SLC35A5: variants seen among roughly 807,000 people sequenced by gnomAD.
The protein encoded by SLC35A5 is solute carrier family 35 member A5.
A neutral mutation model predicts 36.3 loss-of-function variants in SLC35A5; 28 were observed. The observed-to-expected ratio is 0.77, with a 90% CI of 0.57 to 1.06. The LOEUF is 1.06. Among genes scored for constraint, SLC35A5 ranks in the 50% least tolerant of loss-of-function variants. SLC35A5 has a pLI of 0.00. For synonymous variants in SLC35A5, 180 were observed against 173.7 expected, an observed-to-expected ratio of 1.04 and a Z score of -0.29; for missense variants, 521 against 499.3, an observed-to-expected ratio of 1.04 and a Z score of -0.41.
Position 112,571,456 on chromosome 3 carries a change from T to C in SLC35A5, c.360+786T>C, listed in dbSNP as rs141160275. Among the ~76,000 whole-genome samples the C allele has an allele frequency of 1.2e-3, 186 of 152,376 alleles. 1 individual carries two copies. Among genetic ancestry groups the C allele is most frequent in the African/African-American group, 4.4e-3 (183 of 41,594 alleles). ...ATTTGATTATAAATAGGATTTCTAT[T>C]GCTACCAGTCTTCTCTGTGAAGTTT... On this transcript the variant is annotated intron_variant, in intron 4 of 6. Transcript: ENST00000492406.
At chr3:112,563,336 T>C (rs1161082878) in intron 1 of SLC35A5, 49 bp from the exon 2 acceptor site, 1 of 1,394,748 alleles carries the variant, frequency 7.2e-7, no homozygotes, top group African/African-American at 1.4e-5. Flanking sequence ...GGTATTTGCG[T>C]TTAGGGTCTG....
chr3:112,578,079 A>T (rs893649691), intron 5 of SLC35A5, among the ~76,000 whole-genome samples: 2 of 152,216 alleles, frequency 1.3e-5, no homozygotes, highest in African/African-American at 2.4e-5. Context: ...GAAAATATCT[A>T]AACAATTTAT....
intron 5 of SLC35A5, among the ~76,000 whole-genome samples, chr3:112,578,168 ACT>A (rs1934750568): frequency 6.6e-6 from 1 of 152,214 alleles, no homozygotes; most frequent in Non-Finnish European, 1.5e-5. Context: ...TGAGTATGTT[ACT>A]GATTGAAGTT....
At chr3:112,575,053 T>C (rs1334130972) in intron 5 of SLC35A5, among the ~76,000 whole-genome samples, 1 of 152,154 alleles carries the variant, frequency 6.6e-6, no homozygotes, top group East Asian at 1.9e-4. Context: ...AGTTTGAATC[T>C]CACTTTGTAG....
In SLC35A5 at chr3:112,583,676, A is replaced by G. The variant is rs1935035241; in HGVS notation, c.*940A>G. On this transcript the variant is annotated 3_prime_UTR_variant, in exon 7 of 7. Transcript: ENST00000492406. ...AGGAACTTTTAAAGGGATCCTTTCA[A>G]AAGGATCACTTAGCAAACACATGTT... 6.6e-6 allele frequency: 1 copy of G among 152,144 alleles called. No homozygotes were observed. Among genetic ancestry groups the G allele is most frequent in the African/African-American group, 2.4e-5 (1 of 41,450 alleles). 9.4% of individuals were successfully genotyped at this position (152,144 alleles called of 1,614,324 possible). A position where few individuals can be genotyped will look rare whatever the true frequency, so the allele number is the denominator to read the frequency against.
In SLC35A5 at chr3:112,572,876, T is replaced by A. The variant is rs1934507966; in HGVS notation, c.361-1013T>A. ...AATGTGATTGATCAAGGCCACTATTTCCACACTTCACAGCCACTTTCCTCT... is the reference window on the plus strand; with the variant it reads ...AATGTGATTGATCAAGGCCACTATTACCACACTTCACAGCCACTTTCCTCT... On this transcript the variant is annotated intron_variant, in intron 4 of 6. Coordinates refer to ENST00000492406, the MANE Select transcript of SLC35A5 (RefSeq NM_017945.5). 2.0e-5 allele frequency among the ~76,000 whole-genome samples: 3 copies of A among 152,242 alleles called. No individual in the cohort carries two copies. In the South Asian group the frequency reaches 6.2e-4, roughly 31 times the overall value.
intron 6 of SLC35A5, 54 bp from the exon 7 acceptor site, chr3:112,582,617 A>ATCTTTAC: frequency 2.1e-6 from 1 of 468,420 alleles, no homozygotes; most frequent in South Asian, 4.4e-5. Flanking sequence ...TTTCCCTTTA[A>ATCTTTAC]AAATGCTACA....
rs1934865847 is a variant in SLC35A5, at chr3:112,580,638, A to C, written c.521A>C (p.Asn174Thr). 1.2e-6 allele frequency: 2 copies of C among 1,614,116 alleles called. No homozygotes were observed. Among genetic ancestry groups the C allele is most frequent in the South Asian group, 2.2e-5 (2 of 91,084 alleles). ...GCCGGGACTAAAACTTTACAGCACA[A>C]CTTGGCAGGACGTGGATTTCATCAC... ...LTAGTKTLQHNLAGRGFHHDA... is the reference protein window; with the variant it reads ...LTAGTKTLQHTLAGRGFHHDA... The change falls in exon 6 of 7, where the codon AAC (asparagine) becomes ACC (threonine). Residue 174 changes from asparagine (N) to threonine (T), a missense_variant. Physicochemically the swap from Asn to Thr is moderately conservative, Grantham distance 65. Transcript: ENST00000492406.
At position 112,583,272 on chromosome 3, in the gene SLC35A5, T is replaced by G. The variant is rs1481614650; in HGVS notation, c.*536T>G. On this transcript the variant is annotated 3_prime_UTR_variant, in exon 7 of 7. Transcript: ENST00000492406. The stretch of plus-strand genomic sequence containing the variant: ...TAAATACCTGGCCATACCATAGATT[T>G]GGGATGATGTAGTCTGTGCTAAATA... 2.5e-6 allele frequency: 1 copy of G among 395,888 alleles called. No homozygotes were observed. The highest frequency in any genetic ancestry group is 4.5e-6 in the Non-Finnish European group (1 of 224,706). 24.5% of individuals were successfully genotyped at this position (395,888 alleles called of 1,614,324 possible). A position where few individuals can be genotyped will look rare whatever the true frequency, so the allele number is the denominator to read the frequency against.
In SLC35A5 at chr3:112,566,748, C is replaced by G. The variant is rs142259360; in HGVS notation, c.131-2423C>G. Among the ~76,000 whole-genome samples the G allele has an allele frequency of 2.6e-3, 391 of 152,268 alleles. 1 individual carries two copies. The highest frequency in any genetic ancestry group is 4.0e-3 in the Non-Finnish European group (269 of 68,016). Reference sequence around the variant, plus strand: ...GGAGTTAGTTTCAGATATCAGATTACTTGGAGATAAGACCTGAATGGAAAG... The same window carrying G: ...GGAGTTAGTTTCAGATATCAGATTAGTTGGAGATAAGACCTGAATGGAAAG... On this transcript the variant is annotated intron_variant, in intron 2 of 6. Coordinates refer to ENST00000492406, the MANE Select transcript of SLC35A5 (RefSeq NM_017945.5).
At chr3:112,568,221 G>GT (rs1402064356) in intron 2 of SLC35A5, among the ~76,000 whole-genome samples, 1 of 152,192 alleles carries the variant, frequency 6.6e-6, no homozygotes, top group Non-Finnish European at 1.5e-5. Flanking sequence ...GTTTGAGAAG[G>GT]TCAAGGGAAA....
intron 4 of SLC35A5, 68 bp downstream of exon 4, chr3:112,570,738 T>C: frequency 6.9e-7 from 1 of 1,457,326 alleles, no homozygotes; most frequent in South Asian, 1.4e-5. Flanking sequence ...AATTTTTTTT[T>C]TTTTATCATT....
Position 112,570,546 on chromosome 3 carries a change from A to G in SLC35A5, c.236A>G (p.Gln79Arg). 1 of 1,605,788 alleles carries G rather than the reference A, an allele frequency of 6.2e-7. No individual in the cohort carries two copies. Among genetic ancestry groups the G allele is most frequent in the Non-Finnish European group, 8.5e-7 (1 of 1,177,526 alleles). Reference protein sequence around the residue: ...VSFCVIKKDHQSRNLKYASWK... With the variant: ...VSFCVIKKDHRSRNLKYASWK... Reference sequence around the variant, plus strand: ...CACCGTGTTTCTTTCTAAGATCATCAAAGTAGAAATTTGAAATATGCTTCC... The same window carrying G: ...CACCGTGTTTCTTTCTAAGATCATCGAAGTAGAAATTTGAAATATGCTTCC... The change falls in exon 4 of 7, where the codon CAA becomes CGA. Residue 79 changes from glutamine (Q) to arginine (R), a missense_variant. By Grantham distance (43) the Gln-to-Arg change is conservative (BLOSUM62 1). Transcript: ENST00000492406.
chr3:112,571,625 A>C (rs985380573), intron 4 of SLC35A5, among the ~76,000 whole-genome samples: 1 of 152,202 alleles, frequency 6.6e-6, no homozygotes, highest in Admixed American at 6.5e-5. Context: ...ACAGTTCCAC[A>C]AGGCTGGGGA....
chr3:112,580,501 T>G, intron 5 of SLC35A5, 45 bp from the exon 6 acceptor site: 4 of 1,530,102 alleles, frequency 2.6e-6, no homozygotes, highest in Non-Finnish European at 3.5e-6. Flanking sequence ...ACTATTGATA[T>G]GGGGGGAAAA....
chr3:112,567,708 A>G (rs183823016), intron 2 of SLC35A5, among the ~76,000 whole-genome samples: 2 of 152,332 alleles, frequency 1.3e-5, no homozygotes, highest in East Asian at 3.9e-4. Context: ...AAGGTATGTT[A>G]GTGTGGGCAG....
rs1056465397 is a variant in SLC35A5, at chr3:112,584,068, T to C, written c.*1332T>C. On this transcript the variant is annotated 3_prime_UTR_variant, in exon 7 of 7. Coordinates refer to ENST00000492406, the MANE Select transcript of SLC35A5 (RefSeq NM_017945.5). The stretch of plus-strand genomic sequence containing the variant: ...TCATGCAGATGAATATAAGGTAATA[T>C]ACTATTATATAATTCATTTGTGATA... 2 of 152,166 alleles carry C rather than the reference T, an allele frequency of 1.3e-5. No individual in the cohort carries two copies. The highest frequency in any genetic ancestry group is 4.8e-5 in the African/African-American group (2 of 41,440). 9.4% of individuals were successfully genotyped at this position (152,166 alleles called of 1,614,324 possible).
intron 2 of SLC35A5, among the ~76,000 whole-genome samples, chr3:112,568,574 T>C (rs550623679): frequency 4.6e-5 from 7 of 152,186 alleles, no homozygotes; most frequent in Non-Finnish European, 8.8e-5. Flanking sequence ...CTCTCGGCCC[T>C]AAAGGTAGCA....
At chr3:112,565,106 G>A (rs903752846) in intron 2 of SLC35A5, among the ~76,000 whole-genome samples, 2 of 152,124 alleles carry the variant, frequency 1.3e-5, no homozygotes, top group Admixed American at 1.3e-4. Flanking sequence ...ACATTTACCT[G>A]CCAGGCACTA....
Sources: allele counts gnomAD v4.1 joint callset (sites outside exome capture counted in the v4.1 genomes callset), GRCh38; gene constraint gnomAD v4.1.1; transcripts MANE v1.5; gene names NCBI Gene and HGNC (gene_info 2026-07-23, HGNC 2026-07-21).